Variants in PHTF2 observed in about 807,000 individuals in gnomAD.
The protein encoded by PHTF2 is putative homeodomain transcription factor 2, also known as protein PHTF2.
Under a neutral mutation model 101.2 loss-of-function variants are expected in PHTF2, and 60 were observed. The observed-to-expected ratio is 0.59, with a 90% CI of 0.48 to 0.73. The LOEUF is 0.73. Among genes scored for constraint, PHTF2 ranks in the 30% least tolerant of loss-of-function variants. The pLI is 0.00. For missense variants in PHTF2, 747 were observed against 908.7 expected, an observed-to-expected ratio of 0.82 and a Z score of 2.29; for synonymous variants, 311 against 307.3, an observed-to-expected ratio of 1.01 and a Z score of -0.13.
chr7:77,954,495 T>C lies in PHTF2; in HGVS notation c.2338-363T>C, dbSNP rs138279039. ...GGTGATAAAAAAGAAAAAAGCCTTA[T>C]TTCTATTTTTGGCCAAAAGTTGTAT... On this transcript the variant is annotated intron_variant, in intron 19 of 19. Transcript: ENST00000416283. Among the ~76,000 whole-genome samples, 751 of 151,856 alleles carry C rather than the reference T, an allele frequency of 4.9e-3. 7 individuals are homozygous for C. The highest frequency in any genetic ancestry group is 0.017 in the African/African-American group (696 of 41,436).
intron 1 of PHTF2, among the ~76,000 whole-genome samples, chr7:77,831,993 T>G (rs547764523): frequency 6.6e-6 from 1 of 152,100 alleles, no homozygotes; most frequent in South Asian, 2.1e-4. Context: ...CTAAGGTAGA[T>G]CACTGGCCAG....
intron 16 of PHTF2, among the ~76,000 whole-genome samples, chr7:77,944,356 C>T (rs1805876457): frequency 6.6e-6 from 1 of 152,174 alleles, no homozygotes; most frequent in Non-Finnish European, 1.5e-5. Context: ...AGTCTGCTCA[C>T]CAGCACTGGA....
chr7:77,946,476 G>A (rs1419123402), intron 16 of PHTF2, among the ~76,000 whole-genome samples: 3 of 152,082 alleles, frequency 2.0e-5, no homozygotes, highest in Admixed American at 1.3e-4. Flanking sequence ...AAAAACAATC[G>A]TAAACTATAT....
At chr7:77,940,612 A>G (rs532099050) in exon 15 of PHTF2, 1 of 1,607,410 alleles carries the variant, frequency 6.2e-7, no homozygotes, top group African/African-American at 1.3e-5. Context: ...CCGGTTGAAG[A>G]AAGTACAGAA....
intron 2 of PHTF2, among the ~76,000 whole-genome samples, chr7:77,845,928 A>G (rs1796246693): frequency 6.6e-6 from 1 of 152,212 alleles, no homozygotes; most frequent in South Asian, 2.1e-4. Context: ...ACTTAATCCC[A>G]AGACCAGAGC....
rs1430901083 is a variant in PHTF2 at position 77,923,532 on chromosome 7, C to T, written c.1119+754C>T. The T allele has an allele frequency of 5.1e-6, 5 of 984,352 alleles. No homozygotes were observed. The East Asian group carries it at 4.5e-4, about 89-fold the overall frequency. 61.0% of individuals were successfully genotyped at this position (984,352 alleles called of 1,614,324 possible). ...AGATTAGAAGAGTTACTATTCTTTG[C>T]ACACTCTTCTTTGTGGTTGTGTCTC... On this transcript the variant is annotated intron_variant, in intron 11 of 19. Transcript: ENST00000416283.
intron 19 of PHTF2, among the ~76,000 whole-genome samples, chr7:77,954,354 G>A (rs1026099588): frequency 7.2e-5 from 11 of 151,866 alleles, no homozygotes; most frequent in African/African-American, 1.7e-4. Context: ...GGCTGGTCTC[G>A]AACTCCTGAC....
intron 5 of PHTF2, among the ~76,000 whole-genome samples, chr7:77,897,105 A>C (rs1252256493): frequency 6.6e-6 from 1 of 152,188 alleles, no homozygotes; most frequent in South Asian, 2.1e-4. Flanking sequence ...TAGACTTTTA[A>C]AGCTTCTTAA....
rs376867372 is a variant in PHTF2, at chr7:77,938,557, C to T, written c.1467+719C>T. 5.3e-5 allele frequency among the ~76,000 whole-genome samples: 8 copies of T among 151,960 alleles called. No homozygotes were observed. The East Asian group carries it at 5.8e-4, about 11-fold the overall frequency. The stretch of plus-strand genomic sequence containing the variant: ...CATCCTGGCTAACATGGTGAAACCC[C>T]GTCTCTACTAAAAATACAAAAAAAT... On this transcript the variant is annotated intron_variant, in intron 13 of 19. Coordinates refer to ENST00000416283, the Ensembl canonical transcript of PHTF2.
chr7:77,825,909 A>G (rs1371610173), intron 1 of PHTF2, among the ~76,000 whole-genome samples: 1 of 152,236 alleles, frequency 6.6e-6, no homozygotes, highest in Non-Finnish European at 1.5e-5. Context: ...AATAGCTGAT[A>G]TCCCTAAAAT....
intron 9 of PHTF2, among the ~76,000 whole-genome samples, chr7:77,915,761 C>T (rs1393059452): frequency 3.3e-5 from 5 of 152,058 alleles, no homozygotes; most frequent in Admixed American, 6.5e-5. Flanking sequence ...GCTAAGGGTG[C>T]ACTGTGCATG....
chr7:77,815,713 C>A (rs1002347734), intron 1 of PHTF2, among the ~76,000 whole-genome samples: 2 of 152,202 alleles, frequency 1.3e-5, no homozygotes, highest in African/African-American at 4.8e-5. Flanking sequence ...GAAAATGGAT[C>A]TTTTATTTTA....
intron 1 of PHTF2, among the ~76,000 whole-genome samples, chr7:77,812,475 C>G (rs1205177100): frequency 6.6e-6 from 1 of 152,038 alleles, no homozygotes; most frequent in East Asian, 1.9e-4. Context: ...TGAGAGATGT[C>G]TAAGTATGCT....
chr7:77,874,195 C>T (rs1037515522), intron 3 of PHTF2, among the ~76,000 whole-genome samples: 12 of 152,128 alleles, frequency 7.9e-5, no homozygotes, highest in Non-Finnish European at 1.3e-4. Flanking sequence ...CCAAACAGTT[C>T]ATGCCAAGGA....
intron 1 of PHTF2, among the ~76,000 whole-genome samples, chr7:77,832,137 C>CAAAGAACTCAGCTTG (rs889810313): frequency 6.6e-6 from 1 of 151,786 alleles, no homozygotes; most frequent in Non-Finnish European, 1.5e-5. Context: ...TCAACCTGCT[C>CAAAGAACTCAGCTTG]AAAGAACTCA....
rs1806417450 is a variant in PHTF2 at position 77,950,184 on chromosome 7, G to A, written c.2115+351G>A. ...CAGTAGAAAGAATAAAGTATAATTG[G>A]TTAATTTTATTTTGTATGAATTTGT... On this transcript the variant is annotated intron_variant, in intron 17 of 19. Transcript: ENST00000416283. 1.3e-5 allele frequency among the ~76,000 whole-genome samples: 2 copies of A among 152,052 alleles called. 1 individual carries two copies. Among genetic ancestry groups the A allele is most frequent in the South Asian group, 4.1e-4 (2 of 4,820 alleles).
intron 16 of PHTF2, among the ~76,000 whole-genome samples, chr7:77,946,052 C>G (rs1364146432): frequency 1.3e-5 from 2 of 152,160 alleles, no homozygotes; most frequent in Admixed American, 1.3e-4. Context: ...TTATTAGATA[C>G]AAAATTCCTC....
chr7:77,801,789 A>C (rs1792576996), intron 1 of PHTF2, among the ~76,000 whole-genome samples: 1 of 152,208 alleles, frequency 6.6e-6, no homozygotes, highest in Non-Finnish European at 1.5e-5. Context: ...AAAATCCAAA[A>C]TGCTTGTGGT....
intron 5 of PHTF2, among the ~76,000 whole-genome samples, chr7:77,899,577 C>T (rs908364135): frequency 6.6e-6 from 1 of 152,090 alleles, no homozygotes; most frequent in African/African-American, 2.4e-5. Flanking sequence ...GCAACTTCAG[C>T]CAGAACTATT....
Sources: allele counts gnomAD v4.1 joint callset (sites outside exome capture counted in the v4.1 genomes callset), GRCh38; gene constraint gnomAD v4.1.1; transcripts MANE v1.5; gene names NCBI Gene and HGNC (gene_info 2026-07-23, HGNC 2026-07-21).